GALNT13: variants seen among roughly 807,000 people sequenced by gnomAD.
GALNT13 encodes the protein UDP-GalNAc:polypeptide N-acetylgalactosaminyltransferase 13.
Under a neutral mutation model 64.2 loss-of-function variants are expected in GALNT13, and 28 were observed. The observed-to-expected ratio is 0.44, with a 90% confidence interval of 0.32 to 0.60. The LOEUF (loss-of-function observed/expected upper bound fraction) is 0.60. Ranked by LOEUF, GALNT13 falls within the 20% of genes least tolerant of loss-of-function variation. The probability of loss-of-function intolerance (pLI) is 0.05; values close to 1 mark genes in which losing one functional copy is unlikely to be tolerated. For missense variants in GALNT13, 577 were observed against 669.8 expected (o/e 0.86, Z 1.53); for synonymous variants, 214 against 224.6 (o/e 0.95, Z 0.42).
At chr2:153,332,791 G>A in the GALNT13 span, among the ~76,000 whole-genome samples, 1 of 152,126 alleles carries the variant, frequency 6.6e-6, no homozygotes, top group Admixed American at 6.5e-5. Flanking sequence ...CCCAATGCAT[G>A]GGTGCTCAGA....
intron 3 of GALNT13, among the ~76,000 whole-genome samples, chr2:153,969,057 G>T (rs1372528593): frequency 1.3e-5 from 2 of 151,818 alleles, no homozygotes; most frequent in Non-Finnish European, 2.9e-5. Flanking sequence ...TGATTCACTT[G>T]TAGCATATAT....
intron 4 of GALNT13, among the ~76,000 whole-genome samples, chr2:154,215,987 G>T (rs755751724): frequency 6.6e-6 from 1 of 151,508 alleles, no homozygotes; most frequent in Middle Eastern, 3.4e-3. Context: ...TATGAAAAAA[G>T]ATTATATTTT....
chr2:153,473,678 G>C, the GALNT13 span, among the ~76,000 whole-genome samples: 1 of 152,178 alleles, frequency 6.6e-6, no homozygotes, highest in Non-Finnish European at 1.5e-5. Flanking sequence ...GAGTCTTACA[G>C]AACAAACCGA....
the GALNT13 span, among the ~76,000 whole-genome samples, chr2:153,465,073 A>G: frequency 1.3e-5 from 2 of 152,090 alleles, no homozygotes; most frequent in African/African-American, 4.8e-5. Flanking sequence ...TCTGTTTCCA[A>G]TTTGATGAAC....
At chr2:154,244,381 C>G (rs1689663269) in intron 6 of GALNT13, among the ~76,000 whole-genome samples, 1 of 152,058 alleles carries the variant, frequency 6.6e-6, no homozygotes, top group Non-Finnish European at 1.5e-5. Flanking sequence ...TCCAGAGTCA[C>G]CAAGAAGGTT....
intron 4 of GALNT13, among the ~76,000 whole-genome samples, chr2:154,142,477 A>T (rs1371061183): frequency 7.0e-6 from 1 of 142,560 alleles, no homozygotes; most frequent in Non-Finnish European, 1.5e-5. Flanking sequence ...TGAACCTGAG[A>T]GGCAGAAGTT....
chr2:154,083,269 A>G (rs900849547), intron 3 of GALNT13, among the ~76,000 whole-genome samples: 4 of 151,856 alleles, frequency 2.6e-5, no homozygotes, highest in African/African-American at 7.3e-5. Context: ...CCACTCGTCT[A>G]TATATCTGTT....
chr2:153,914,748 T>C (rs1206089836), intron 2 of GALNT13, among the ~76,000 whole-genome samples: 1 of 152,152 alleles, frequency 6.6e-6, no homozygotes, highest in Non-Finnish European at 1.5e-5. Flanking sequence ...CTTCTTTGCT[T>C]AGTATGGTAC....
intron 9 of GALNT13, among the ~76,000 whole-genome samples, chr2:154,325,694 A>G (rs536178507): frequency 6.6e-6 from 1 of 152,252 alleles, no homozygotes; most frequent in South Asian, 2.1e-4. Flanking sequence ...GTATGTCACA[A>G]ACAAGAGTAA....
Position 154,445,823 on chromosome 2 carries a change from GGCA to G in GALNT13, c.1531-4586_1531-4584del. ...ACAGACTTACTTAGTGTCTCCCAAG[GGCA>G]GGCACGGAGCTTCAAGATGTAGGTG... On this transcript the variant is annotated intron_variant, in intron 12 of 12. Transcript: ENST00000392825. The G allele has an allele frequency of 2.3e-6, 3 of 1,288,436 alleles. No individual in the cohort carries two copies. In the South Asian group the frequency reaches 3.7e-5, roughly 16 times the overall value. 79.8% of individuals were successfully genotyped at this position (1,288,436 alleles called of 1,614,324 possible).
intron 8 of GALNT13, among the ~76,000 whole-genome samples, chr2:154,262,888 C>G (rs1029472694): frequency 7.2e-5 from 11 of 151,754 alleles, no homozygotes; most frequent in Admixed American, 4.6e-4. Flanking sequence ...TAAAATGAAC[C>G]AAGAAAATTA....
the GALNT13 span, among the ~76,000 whole-genome samples, chr2:153,843,211 A>G: frequency 6.6e-6 from 1 of 152,240 alleles, no homozygotes; most frequent in Non-Finnish European, 1.5e-5. Flanking sequence ...TTTACAGGAA[A>G]CATGTTGCTG....
At chr2:153,105,315 T>G in the GALNT13 span, among the ~76,000 whole-genome samples, 1 of 151,972 alleles carries the variant, frequency 6.6e-6, no homozygotes, top group African/African-American at 2.4e-5. Context: ...TTTGACAAAA[T>G]TCAACAAAGC....
rs146598520 is a variant in GALNT13 at position 153,912,092 on chromosome 2, G to A, written c.-105+11085G>A. Among the ~76,000 whole-genome samples the A allele has an allele frequency of 4.1e-3, 618 of 152,166 alleles. 3 individuals are homozygous for A. The highest frequency in any genetic ancestry group is 0.014 in the African/African-American group (591 of 41,536). ...TAATCCCATATTTCTCTGAGGTTTG[G>A]TTTGTTCCTTTTTATTCTTTTTTCT... On this transcript the variant is annotated intron_variant, in intron 2 of 12. Coordinates refer to ENST00000392825, the MANE Select transcript of GALNT13 (RefSeq NM_052917.4).
At chr2:154,416,290 T>A (rs955976967) in intron 11 of GALNT13, among the ~76,000 whole-genome samples, 4 of 152,084 alleles carry the variant, frequency 2.6e-5, no homozygotes, top group Admixed American at 2.0e-4. Context: ...GCAGATTTGG[T>A]GTCTGATGAG....
chr2:153,085,494 G>C, the GALNT13 span, among the ~76,000 whole-genome samples: 1 of 152,146 alleles, frequency 6.6e-6, no homozygotes, highest in African/African-American at 2.4e-5. Context: ...CATCCCAGCT[G>C]CTCCACCTGT....
chr2:153,142,074 T>C, the GALNT13 span, among the ~76,000 whole-genome samples: 1 of 152,068 alleles, frequency 6.6e-6, no homozygotes, highest in South Asian at 2.1e-4. Context: ...AAAATGTAAT[T>C]TCTCACGAAC....
chr2:153,185,622 C>G, the GALNT13 span, among the ~76,000 whole-genome samples: 1 of 152,150 alleles, frequency 6.6e-6, no homozygotes, highest in Non-Finnish European at 1.5e-5. Flanking sequence ...GTTTACACTG[C>G]TTTAGCTGCA....
chr2:153,814,478 TAAATAAA>T, the GALNT13 span, among the ~76,000 whole-genome samples: 1 of 81,364 alleles, frequency 1.2e-5, no homozygotes, highest in Admixed American at 1.1e-4. Context: ...AATAAATAAA[TAAATAAA>T]TAAATAAATA....
Sources: gnomAD v4.1 joint callset for allele counts (sites outside exome capture counted in the v4.1 genomes callset) on GRCh38, gnomAD v4.1.1 for gene constraint, MANE v1.5 for transcripts, NCBI Gene and HGNC (gene_info 2026-07-23, HGNC 2026-07-21) for gene names.